MGAT5: variants seen among roughly 807,000 people sequenced by gnomAD.
MGAT5 encodes alpha-1,6-mannosylglycoprotein 6-beta-N-acetylglucosaminyltransferase.
MGAT5 carries 30 observed loss-of-function variants against 94.3 expected under a neutral mutation model. The observed-to-expected ratio is 0.32, with a 90% CI of 0.24 to 0.43. The LOEUF is 0.43. Among genes scored for constraint, MGAT5 ranks in the 20% least tolerant of loss-of-function variants. The probability of loss-of-function intolerance (pLI) is 1.00; values close to 1 mark genes in which losing one functional copy is unlikely to be tolerated. For synonymous variants in MGAT5, 310 were observed against 322.9 expected (o/e 0.96, Z 0.43); for missense variants, 691 against 905.5 (o/e 0.76, Z 3.04).
At chr2:134,428,142 T>G (rs1040296907) in intron 13 of MGAT5, among the ~76,000 whole-genome samples, 1 of 152,254 alleles carries the variant, frequency 6.6e-6, no homozygotes, top group Admixed American at 6.5e-5. Flanking sequence ...CTTATCACCC[T>G]TTTACATATG....
intron 1 of MGAT5, among the ~76,000 whole-genome samples, chr2:134,189,613 T>TTTTTTTTTTTTTTTG (rs1178322450): frequency 8.1e-6 from 1 of 123,304 alleles, no homozygotes; most frequent in Non-Finnish European, 1.6e-5. Context: ...TTTTTTTTTT[T>TTTTTTTTTTTTTTTG]TTTTTTTAAG....
chr2:134,165,648 G>A (rs1285775351), intron 1 of MGAT5, among the ~76,000 whole-genome samples: 4 of 152,084 alleles, frequency 2.6e-5, no homozygotes, highest in African/African-American at 4.8e-5. Context: ...GGTGGCGGGC[G>A]CCTGTAGTCC....
intron 1 of MGAT5, among the ~76,000 whole-genome samples, chr2:134,244,935 A>T (rs534725957): frequency 3.9e-5 from 6 of 152,330 alleles, no homozygotes; most frequent in African/African-American, 1.4e-4. Flanking sequence ...TTGTGCAAAG[A>T]TTGAGAAACA....
intron 1 of MGAT5, among the ~76,000 whole-genome samples, chr2:134,149,016 C>T (rs1259954751): frequency 2.0e-5 from 3 of 152,108 alleles, no homozygotes; most frequent in African/African-American, 4.8e-5. Flanking sequence ...CTGCCCACCT[C>T]GGCCTTCCAA....
At chr2:134,353,023 G>A (rs150300357) in intron 9 of MGAT5, among the ~76,000 whole-genome samples, 315 of 152,244 alleles carry the variant, frequency 2.1e-3, no homozygotes, top group African/African-American at 7.1e-3. Flanking sequence ...AGCAGAAAGC[G>A]GAAAGGTGGT....
At chr2:134,321,177 G>C (rs1466226429) in intron 4 of MGAT5, among the ~76,000 whole-genome samples, 1 of 152,108 alleles carries the variant, frequency 6.6e-6, no homozygotes. Context: ...CTTCACTCTA[G>C]TTGAAAAGTC....
chr2:134,198,954 G>T (rs1464577190), intron 1 of MGAT5, among the ~76,000 whole-genome samples: 1 of 152,154 alleles, frequency 6.6e-6, no homozygotes, highest in Non-Finnish European at 1.5e-5. Context: ...TTTGTGTGTT[G>T]TTACATAGCT....
At chr2:134,240,795 G>A (rs1681934584) in intron 1 of MGAT5, among the ~76,000 whole-genome samples, 1 of 152,096 alleles carries the variant, frequency 6.6e-6, no homozygotes, top group African/African-American at 2.4e-5. Flanking sequence ...TAGTCATTTT[G>A]TCTTTTAATT....
At chr2:134,303,545 G>A (rs1430137242) in intron 2 of MGAT5, among the ~76,000 whole-genome samples, 1 of 151,984 alleles carries the variant, frequency 6.6e-6, no homozygotes, top group Admixed American at 6.6e-5. Flanking sequence ...CTGAAGTCCT[G>A]GGCCTGATGT....
intron 10 of MGAT5, among the ~76,000 whole-genome samples, chr2:134,380,389 T>G (rs1403007121): frequency 6.6e-6 from 1 of 152,212 alleles, no homozygotes; most frequent in Non-Finnish European, 1.5e-5. Flanking sequence ...AACAGTGGTG[T>G]CAGTCTGGCC....
intron 14 of MGAT5, among the ~76,000 whole-genome samples, chr2:134,440,582 G>A (rs956455428): frequency 3.3e-5 from 5 of 152,192 alleles, no homozygotes; most frequent in South Asian, 2.1e-4. Flanking sequence ...GGCTCCAGCC[G>A]CCCTCAACAC....
At chr2:134,217,193 G>A (rs1184805769) in intron 1 of MGAT5, among the ~76,000 whole-genome samples, 1 of 151,736 alleles carries the variant, frequency 6.6e-6, no homozygotes, top group Non-Finnish European at 1.5e-5. Context: ...TATTGCAAAT[G>A]TGACTTGAGC....
chr2:134,183,882 C>T (rs1688871453), intron 1 of MGAT5, among the ~76,000 whole-genome samples: 2 of 152,154 alleles, frequency 1.3e-5, no homozygotes, highest in South Asian at 2.1e-4. Context: ...ACATGAAAAA[C>T]GTTTGCCATG....
At chr2:134,331,863 G>A (rs909944035) in intron 4 of MGAT5, among the ~76,000 whole-genome samples, 3 of 152,030 alleles carry the variant, frequency 2.0e-5, no homozygotes, top group South Asian at 2.1e-4. Flanking sequence ...TACAAGGGAC[G>A]TGAAGGACCT....
At chr2:134,293,974 C>T (rs901661437) in intron 2 of MGAT5, among the ~76,000 whole-genome samples, 2 of 152,084 alleles carry the variant, frequency 1.3e-5, no homozygotes, top group East Asian at 3.9e-4. Flanking sequence ...AGGTAACTTG[C>T]CCCCTTTGTT....
chr2:134,235,927 C>T (rs74405316), intron 1 of MGAT5, among the ~76,000 whole-genome samples: 5,429 of 152,224 alleles, frequency 0.036, 151 homozygotes, highest in Non-Finnish European at 0.053. Context: ...AACTCAGTTT[C>T]TGTCTTGCTC....
chr2:134,251,921 A>G (rs2105498518), upstream of MGAT5, among the ~76,000 whole-genome samples: 1 of 152,248 alleles, frequency 6.6e-6, no homozygotes, highest in South Asian at 2.1e-4. Flanking sequence ...ACCCCTGGTA[A>G]CCACTGTTCT....
intron 15 of MGAT5, among the ~76,000 whole-genome samples, chr2:134,447,498 C>T (rs1685855878): frequency 6.6e-6 from 1 of 152,198 alleles, no homozygotes; most frequent in Admixed American, 6.5e-5. Flanking sequence ...GGAATCTGAG[C>T]CACAGAGTGG....
At chr2:134,231,380 G>A (rs76374716) in intron 1 of MGAT5, 1 of 152,192 alleles carries the variant, frequency 6.6e-6, no homozygotes, top group African/African-American at 2.4e-5. Flanking sequence ...TGTATGGTAT[G>A]TGAATTATAT....
Sources: allele counts gnomAD v4.1 joint callset (sites outside exome capture counted in the v4.1 genomes callset), GRCh38; gene constraint gnomAD v4.1.1; transcripts MANE v1.5; gene names NCBI Gene and HGNC (gene_info 2026-07-23, HGNC 2026-07-21).